ZNF33B: variants seen among roughly 807,000 people sequenced by gnomAD.
ZNF33B encodes zinc finger protein 11b (KOX 2).
A neutral mutation model predicts 45.8 loss-of-function variants in ZNF33B; 29 were observed. The observed-to-expected ratio is 0.63, with a 90% CI of 0.47 to 0.86. ZNF33B has a LOEUF of 0.86. ZNF33B is among the 40% of genes least tolerant of loss of function. The pLI is 0.00. For missense variants in ZNF33B, 831 were observed against 909.9 expected (o/e 0.91, Z 1.12); for synonymous variants, 305 against 307.8 (o/e 0.99, Z 0.10).
In ZNF33B at chr10:42,592,944, T is replaced by C; in HGVS notation, c.2006A>G (p.Glu669Gly). 1.2e-6 allele frequency: 2 copies of C among 1,613,866 alleles called. No individual in the cohort carries two copies. The highest frequency in any genetic ancestry group is 1.7e-6 in the Non-Finnish European group (2 of 1,179,944). Residue 669 changes from glutamate (E) to glycine (G), a missense_variant, in exon 5 of 5, where the codon GAA becomes GGA. Glu to Gly is a moderately conservative substitution (Grantham distance 98). Transcript: ENST00000359467. ...HTQEKPYKCN[E>G]CGKSFCVKSG... ...CTTCACACAGAAAGATTTTCCACATTCGTTACATTTATAAGGCTTTTCTTG... is the reference window on the plus strand; with the variant it reads ...CTTCACACAGAAAGATTTTCCACATCCGTTACATTTATAAGGCTTTTCTTG...
In ZNF33B at chr10:42,620,315, G is replaced by A. The variant is rs71505630; in HGVS notation, c.250+11614C>T. On this transcript the variant is annotated intron_variant, in intron 4 of 4. Transcript: ENST00000359467. ...TATACAGAAAACAAAATGCAATATGGCAGAAGTGTTTCCTTGTTGGTGATT... is the reference window on the plus strand; with the variant it reads ...TATACAGAAAACAAAATGCAATATGACAGAAGTGTTTCCTTGTTGGTGATT... 1.3e-3 allele frequency among the ~76,000 whole-genome samples: 201 copies of A among 152,084 alleles called. 1 individual carries two copies. The highest frequency in any genetic ancestry group is 2.3e-3 in the Non-Finnish European group (156 of 67,990).
intron 4 of ZNF33B, among the ~76,000 whole-genome samples, chr10:42,608,013 A>G (rs540387443): frequency 1.4e-4 from 21 of 152,294 alleles, no homozygotes; most frequent in Non-Finnish European, 1.2e-4. Context: ...AGAAAAAGAT[A>G]TATCAGGCAC....
At chr10:42,579,148 T>C (rs1039824842) in intron 1 of ZNF33B, among the ~76,000 whole-genome samples, 4 of 152,314 alleles carry the variant, frequency 2.6e-5, no homozygotes, top group African/African-American at 9.6e-5. Context: ...TCATGGTTCA[T>C]CCTAATGACC....
At chr10:42,636,054 A>G (rs531710894) in intron 2 of ZNF33B, among the ~76,000 whole-genome samples, 1 of 152,046 alleles carries the variant, frequency 6.6e-6, no homozygotes, top group East Asian at 1.9e-4. Flanking sequence ...GCTTGAACCC[A>G]GGAGGCAGAA....
Position 42,592,829 on chromosome 10 carries a change from T to G in ZNF33B, c.2121A>C (p.Ser707=). 1 of 1,614,126 alleles carries G rather than the reference T, an allele frequency of 6.2e-7. No homozygotes were observed. The highest frequency in any genetic ancestry group is 1.1e-5 in the South Asian group (1 of 91,084). ...TGTGAGCCCTGTGATGTACTGTGAG[T>G]GATGATTTGTGACTGAAGGATTTCC... ...ECGKSFSHKS[S]LTVHHRAHTG... The change falls in exon 5 of 5, where the codon TCA becomes TCC. Residue 707 remains serine (S), a synonymous_variant. Transcript: ENST00000359467.
chr10:42,611,748 A>G (rs1467521894), intron 4 of ZNF33B, among the ~76,000 whole-genome samples: 3 of 152,240 alleles, frequency 2.0e-5, no homozygotes, highest in Admixed American at 2.0e-4. Context: ...CAACTCAACA[A>G]TAAAAGGACA....
chr10:42,635,007 GA>G lies in ZNF33B; in HGVS notation c.9+1912del, dbSNP rs531947706. On this transcript the variant is annotated intron_variant, in intron 2 of 4. Transcript: ENST00000359467. ...CACACCTGTAATCCCAGCATTTTGG[GA>G]AGCCAAGGCAGGCGAATCACTTGAG... Among the ~76,000 whole-genome samples, 126 of 152,310 alleles carry G rather than the reference GA, an allele frequency of 8.3e-4. 1 individual carries two copies. In the Middle Eastern group the frequency reaches 0.024, roughly 29 times the overall value.
chr10:42,589,413 G>C lies in ZNF33B; in HGVS notation c.*3200C>G, dbSNP rs1428536615. The C allele has an allele frequency of 6.6e-6, 1 of 152,194 alleles. No individual in the cohort carries two copies. Among genetic ancestry groups the C allele is most frequent in the Admixed American group, 6.5e-5 (1 of 15,284 alleles). The allele number at this position is 152,194 out of a possible 1,614,324, so 9.4% of individuals were successfully genotyped here. The stretch of plus-strand genomic sequence containing the variant: ...TTGACAAATTACAGTACCCTACAGA[G>C]TACTTTCACTGTCCTAAAAATCACC... On this transcript the variant is annotated 3_prime_UTR_variant, in exon 5 of 5. Transcript: ENST00000359467.
chr10:42,636,175 TAC>T, intron 2 of ZNF33B, among the ~76,000 whole-genome samples: 1 of 152,128 alleles, frequency 6.6e-6, no homozygotes, highest in African/African-American at 2.4e-5. Context: ...CATTTTAACT[TAC>T]TGATCAAACA....
intron 4 of ZNF33B, among the ~76,000 whole-genome samples, chr10:42,624,509 T>C (rs570066646): frequency 6.6e-6 from 1 of 152,316 alleles, no homozygotes; most frequent in East Asian, 1.9e-4. Flanking sequence ...TATTGAGCCC[T>C]ATAAATACTG....
At chr10:42,627,412 G>A (rs1013101875) in intron 4 of ZNF33B, among the ~76,000 whole-genome samples, 35 of 152,270 alleles carry the variant, frequency 2.3e-4, no homozygotes, top group Non-Finnish European at 4.3e-4. Context: ...TTGATGATTT[G>A]TCATCTCATT....
intron 2 of ZNF33B, 93 bp downstream of exon 2, chr10:42,636,827 C>T: frequency 6.3e-7 from 1 of 1,579,130 alleles, no homozygotes. Context: ...GACTCCATGT[C>T]ACAAACAAAA....
chr10:42,589,878 A>G lies in ZNF33B; in HGVS notation c.*2735T>C, dbSNP rs1837038053. On this transcript the variant is annotated 3_prime_UTR_variant, in exon 5 of 5. Coordinates refer to ENST00000359467, the MANE Select transcript of ZNF33B (RefSeq NM_006955.3). ...TGTTCCTTGCCATGTTCCTGATCTT[A>G]GTAGGAAAGCATTTAGTTGGAAACA... is the stretch of plus-strand genomic sequence containing the variant. The G allele has an allele frequency of 6.6e-6, 1 of 152,214 alleles. No individual in the cohort carries two copies. Among genetic ancestry groups the G allele is most frequent in the African/African-American group, 2.4e-5 (1 of 41,446 alleles). 9.4% of individuals were successfully genotyped at this position (152,214 alleles called of 1,614,324 possible).
intron 4 of ZNF33B, among the ~76,000 whole-genome samples, chr10:42,616,189 T>TG (rs754884462): frequency 6.7e-6 from 1 of 150,330 alleles, no homozygotes; most frequent in South Asian, 2.1e-4. Flanking sequence ...GCTGAGACCA[T>TG]GCCACTGCAC....
rs1346363132 is a variant in ZNF33B, at chr10:42,589,260, T to A, written c.*3353A>T. On this transcript the variant is annotated 3_prime_UTR_variant, in exon 5 of 5. Transcript: ENST00000359467. The stretch of plus-strand genomic sequence containing the variant: ...CACAGGCTCCCCAATTATTAACATC[T>A]TGCATCATTATGGTTCATTTGTTAC... 1 of 152,242 alleles carries A rather than the reference T, an allele frequency of 6.6e-6. No homozygotes were observed. The highest frequency in any genetic ancestry group is 2.4e-5 in the African/African-American group (1 of 41,458). The allele number at this position is 152,242 out of a possible 1,614,324, so 9.4% of individuals were successfully genotyped here. A position where few individuals can be genotyped will look rare whatever the true frequency, so the allele number is the denominator to read the frequency against.
chr10:42,588,471 G>A (rs568853294), downstream of ZNF33B, among the ~76,000 whole-genome samples: 2 of 152,328 alleles, frequency 1.3e-5, no homozygotes, highest in South Asian at 4.1e-4. Context: ...TCCTGTTTAT[G>A]CCAGTGGTTG....
chr10:42,593,199 T>G lies in ZNF33B; in HGVS notation c.1751A>C (p.His584Pro). 6.2e-7 allele frequency: 1 copy of G among 1,613,740 alleles called. No homozygotes were observed. The highest frequency in any genetic ancestry group is 8.5e-7 in the Non-Finnish European group (1 of 1,179,928). ...THTGEKPYEC[H>P]ECGKIFYNKS... ...ATTGTAAAAGATTTTTCCACATTCA[T>G]GACATTCATAGGGTTTCTCCCCCGT... The change falls in exon 5 of 5, where the codon CAT becomes CCT. Residue 584 changes from histidine to proline, a missense_variant. His to Pro is a moderately conservative substitution (Grantham distance 77). Transcript: ENST00000359467.
At chr10:42,596,838 T>G (rs924875431) in intron 4 of ZNF33B, among the ~76,000 whole-genome samples, 4 of 152,046 alleles carry the variant, frequency 2.6e-5, no homozygotes, top group South Asian at 2.1e-4. Flanking sequence ...CTTGGGAGAC[T>G]CCATTAGATT....
chr10:42,594,909 T>C (rs1837334965), intron 4 of ZNF33B, among the ~76,000 whole-genome samples: 1 of 152,124 alleles, frequency 6.6e-6, no homozygotes, highest in Non-Finnish European at 1.5e-5. Context: ...AGGCCTAGGC[T>C]AGTGGAAAAA....
Sources: allele counts gnomAD v4.1 joint callset (sites outside exome capture counted in the v4.1 genomes callset), GRCh38; gene constraint gnomAD v4.1.1; transcripts MANE v1.5; gene names NCBI Gene and HGNC (gene_info 2026-07-23, HGNC 2026-07-21).